NEDD4: variants seen among roughly 807,000 people sequenced by gnomAD.
The protein encoded by NEDD4 is NEDD4 E3 ubiquitin protein ligase, also known as E3 ubiquitin-protein ligase NEDD4.
A neutral mutation model predicts 144.9 loss-of-function variants in NEDD4; 99 were observed. The observed-to-expected ratio is 0.68, with a 90% CI of 0.58 to 0.81. NEDD4 has a LOEUF of 0.81. Ranked by LOEUF, NEDD4 falls within the 30% of genes least tolerant of loss-of-function variation. The probability of loss-of-function intolerance (pLI) is 0.00; values close to 1 mark genes in which losing one functional copy is unlikely to be tolerated. For synonymous variants in NEDD4, 318 were observed against 350.6 expected (o/e 0.91, Z 1.04); for missense variants, 985 against 1,065.9 (o/e 0.92, Z 1.06).
At chr15:55,916,870 T>G (rs2142214751) in intron 5 of NEDD4, 1 of 1,548,758 alleles carries the variant, frequency 6.5e-7, no homozygotes, top group Non-Finnish European at 8.7e-7. Context: ...CTGAAAGTCA[T>G]AACAAAGATC....
chr15:55,855,026 A>G (rs1157536781), intron 12 of NEDD4, among the ~76,000 whole-genome samples: 1 of 152,184 alleles, frequency 6.6e-6, no homozygotes, highest in East Asian at 1.9e-4. Flanking sequence ...GAGGCTGGAC[A>G]GATGACAGTG....
Position 55,886,171 on chromosome 15 carries a change from C to T in NEDD4, c.292-12163G>A, listed in dbSNP as rs117847376. ...TATAACAATTATAAGTCTATATGCA[C>T]CCAACACTGGAGCACTCAGATATAA... On this transcript the variant is annotated intron_variant, in intron 5 of 28. Coordinates refer to ENST00000435532, the MANE Select transcript of NEDD4 (RefSeq NM_006154.4). Among the ~76,000 whole-genome samples the T allele has an allele frequency of 4.1e-3, 629 of 152,248 alleles. 10 individuals are homozygous for T. Among genetic ancestry groups the T allele is most frequent in the East Asian group, 0.031 (162 of 5,176 alleles).
At chr15:55,857,795 A>C (rs1321494774) in intron 11 of NEDD4, among the ~76,000 whole-genome samples, 1 of 152,108 alleles carries the variant, frequency 6.6e-6, no homozygotes, top group African/African-American at 2.4e-5. Context: ...AAAAATTAGC[A>C]GGGGTACAAT....
At position 55,993,569 on chromosome 15, in the gene NEDD4, C is replaced by T. The variant is rs1408442506; in HGVS notation, c.-14G>A. The T allele has an allele frequency of 1.3e-6, 2 of 1,591,376 alleles. No individual in the cohort carries two copies. The highest frequency in any genetic ancestry group is 1.1e-5 in the South Asian group (1 of 88,700). ...GCAAGTTGCCATTTCCGAACGCTTCCAGCAAACCGGACGCGCTCGCCCCCG... is the reference window on the plus strand; with the variant it reads ...GCAAGTTGCCATTTCCGAACGCTTCTAGCAAACCGGACGCGCTCGCCCCCG... On this transcript the variant is annotated 5_prime_UTR_variant, in exon 1 of 29. Coordinates refer to ENST00000435532, the MANE Select transcript of NEDD4 (RefSeq NM_006154.4).
intron 5 of NEDD4, among the ~76,000 whole-genome samples, chr15:55,878,982 C>G (rs2035089973): frequency 6.6e-6 from 1 of 152,174 alleles, no homozygotes; most frequent in Admixed American, 6.5e-5. Context: ...GCCACCACAA[C>G]CAGCTAATTT....
In NEDD4 at chr15:55,862,943, C is replaced by G; in HGVS notation, c.644G>C (p.Arg215Thr). The G allele has an allele frequency of 6.2e-7, 1 of 1,609,656 alleles. No individual in the cohort carries two copies. Among genetic ancestry groups the G allele is most frequent in the South Asian group, 1.1e-5 (1 of 90,446 alleles). Reference sequence around the variant, plus strand: ...GGTTGGTCTTTTCCACTGTGTTCTTCTAGATTCATGGTTTACATAATAGGT... The same window carrying G: ...GGTTGGTCTTTTCCACTGTGTTCTTGTAGATTCATGGTTTACATAATAGGT... ...GRTYYVNHES[R>T]RTQWKRPTPQ... The change falls in exon 9 of 29, where the codon AGA (arginine) becomes ACA (threonine). Residue 215 changes from arginine to threonine, a missense_variant. Physicochemically the swap from Arg to Thr is moderately conservative, Grantham distance 71. Transcript: ENST00000435532.
At chr15:55,873,826 CAG>C (rs2034893566) in intron 6 of NEDD4, 130 bp downstream of exon 6, 1 of 422,556 alleles carries the variant, frequency 2.4e-6, no homozygotes, top group African/African-American at 2.1e-5. Context: ...TTTTAGAAAA[CAG>C]TATGCTCAAT....
In NEDD4 at chr15:55,829,882, A is replaced by G; in HGVS notation, c.*15T>C. 2 of 1,594,838 alleles carry G rather than the reference A, an allele frequency of 1.3e-6. No individual in the cohort carries two copies. The highest frequency in any genetic ancestry group is 1.7e-6 in the Non-Finnish European group (2 of 1,167,394). On this transcript the variant is annotated 3_prime_UTR_variant, in exon 29 of 29. Coordinates refer to ENST00000435532, the MANE Select transcript of NEDD4 (RefSeq NM_006154.4). ...AACTATGGCAGTAAAAACACTACAG[A>G]TTGTTATTTGTAATCTAATCAACTC...
chr15:55,864,787 G>A (rs1378722767), intron 8 of NEDD4, among the ~76,000 whole-genome samples: 3 of 151,478 alleles, frequency 2.0e-5, no homozygotes. Flanking sequence ...AGCAAGAAGT[G>A]AAGATCAACC....
At chr15:55,935,454 C>G (rs1485038302) in intron 4 of NEDD4, among the ~76,000 whole-genome samples, 5 of 152,108 alleles carry the variant, frequency 3.3e-5, no homozygotes, top group African/African-American at 1.2e-4. Context: ...CCATTTTCCT[C>G]ACCAACAATG....
chr15:55,952,143 A>G lies in NEDD4; in HGVS notation c.120-554T>C, dbSNP rs183970423. The stretch of plus-strand genomic sequence containing the variant: ...GGAGATCAAGACCGTCCTGGCTAAC[A>G]TGGTGAAACCCCGTCTCTACTAAAA... On this transcript the variant is annotated intron_variant, in intron 2 of 28. Coordinates refer to ENST00000435532, the MANE Select transcript of NEDD4 (RefSeq NM_006154.4). 1.4e-3 allele frequency among the ~76,000 whole-genome samples: 211 copies of G among 151,998 alleles called. 1 individual carries two copies. Among genetic ancestry groups the G allele is most frequent in the African/African-American group, 4.7e-3 (197 of 41,490 alleles).
chr15:55,842,065 C>A lies in NEDD4; in HGVS notation c.1707G>T (p.Leu569=), dbSNP rs1165208198. The change falls in exon 19 of 29, where the codon CTG becomes CTT. Residue 569 remains leucine, a synonymous_variant. Transcript: ENST00000435532. ...RIMGVKRADF[L]KARLWIEFDG... ...CAAACTCAATCCACAGTCGAGCCTTCAGGAAGTCTGCTCTCTTGACACCCA... is the reference window on the plus strand; with the variant it reads ...CAAACTCAATCCACAGTCGAGCCTTAAGGAAGTCTGCTCTCTTGACACCCA... 3.7e-6 allele frequency: 6 copies of A among 1,614,064 alleles called. No homozygotes were observed. In the African/African-American group the frequency reaches 8.0e-5, roughly 22 times the overall value.
chr15:55,849,774 G>A lies in NEDD4; in HGVS notation c.1347+768C>T, dbSNP rs543384797. Reference sequence around the variant, plus strand: ...ATAATTAATTAAAATATATTCATCTGCTGCTAATTTTAAGTAATTTTTTTT... The same window carrying A: ...ATAATTAATTAAAATATATTCATCTACTGCTAATTTTAAGTAATTTTTTTT... On this transcript the variant is annotated intron_variant, in intron 14 of 28. Coordinates refer to ENST00000435532, the MANE Select transcript of NEDD4 (RefSeq NM_006154.4). 6.0e-5 allele frequency among the ~76,000 whole-genome samples: 9 copies of A among 150,756 alleles called. No homozygotes were observed. The East Asian group carries it at 1.2e-3, about 19-fold the overall frequency.
intron 17 of NEDD4, among the ~76,000 whole-genome samples, chr15:55,847,687 T>G (rs1391773566): frequency 2.0e-5 from 3 of 148,850 alleles, no homozygotes; most frequent in Non-Finnish European, 4.5e-5. Flanking sequence ...TTTTTTTTTT[T>G]TTTTTTTGAG....
At chr15:55,831,426 T>A (rs1241971208) in intron 27 of NEDD4, among the ~76,000 whole-genome samples, 1 of 152,106 alleles carries the variant, frequency 6.6e-6, no homozygotes, top group Non-Finnish European at 1.5e-5. Flanking sequence ...GGGGCTGGGT[T>A]ACATAGAAGA....
At chr15:55,916,157 T>C (rs762611288) in intron 5 of NEDD4, 4 of 1,613,966 alleles carry the variant, frequency 2.5e-6, no homozygotes, top group African/African-American at 1.3e-5. Context: ...TTGAAAAAAT[T>C]TCACAAGGAG....
intron 5 of NEDD4, among the ~76,000 whole-genome samples, chr15:55,920,750 T>G (rs1404628235): frequency 6.6e-6 from 1 of 152,222 alleles, no homozygotes; most frequent in Non-Finnish European, 1.5e-5. Flanking sequence ...CGGAATGACA[T>G]TTATAATGAC....
intron 5 of NEDD4, among the ~76,000 whole-genome samples, chr15:55,882,283 G>A (rs112740777): frequency 6.6e-6 from 1 of 152,184 alleles, no homozygotes; most frequent in Non-Finnish European, 1.5e-5. Context: ...GGGTAGGAAA[G>A]ACAGTCTTCA....
At position 55,874,103 on chromosome 15, in the gene NEDD4, AG is replaced by A; in HGVS notation, c.292-96del. 4.5e-6 allele frequency: 3 copies of A among 667,896 alleles called. No individual in the cohort carries two copies. The South Asian group carries it at 7.1e-5, about 16-fold the overall frequency. 41.4% of individuals were successfully genotyped at this position (667,896 alleles called of 1,614,324 possible). On this transcript the variant is annotated intron_variant, in intron 5 of 28. Coordinates refer to ENST00000435532, the MANE Select transcript of NEDD4 (RefSeq NM_006154.4). ...GTGCCACCATTCACAGAAAATGTAG[AG>A]TTTTTTTTTTATTCAGTCATATGCA...
Sources: gnomAD v4.1 joint callset for allele counts (sites outside exome capture counted in the v4.1 genomes callset) on GRCh38, gnomAD v4.1.1 for gene constraint, MANE v1.5 for transcripts, NCBI Gene and HGNC (gene_info 2026-07-23, HGNC 2026-07-21) for gene names.